The following STIM1 variants were observed in gnomAD, a reference collection of about 807,000 sequenced individuals.
STIM1 encodes the protein stromal interaction molecule 1.
A neutral mutation model predicts 74.7 loss-of-function variants in STIM1; 25 were observed. The ratio of observed to expected loss-of-function variants is 0.33; its 90% CI spans 0.24 to 0.47. The LOEUF is 0.47. Ranked by LOEUF, STIM1 falls within the 20% of genes least tolerant of loss-of-function variation. The pLI is 1.00. For missense variants in STIM1, 728 were observed against 920.8 expected, an observed-to-expected ratio of 0.79 and a Z score of 2.71; for synonymous variants, 328 against 348.8, an observed-to-expected ratio of 0.94 and a Z score of 0.66.
chr11:4,057,592 C>T (rs967577604), intron 4 of STIM1, among the ~76,000 whole-genome samples: 4 of 152,126 alleles, frequency 2.6e-5, no homozygotes, highest in Non-Finnish European at 4.4e-5. Flanking sequence ...CGCACTAGGC[C>T]GGGTGCAGTG....
intron 2 of STIM1, among the ~76,000 whole-genome samples, chr11:4,002,785 T>C (rs1483144379): frequency 6.7e-6 from 1 of 148,656 alleles, no homozygotes; most frequent in Non-Finnish European, 1.5e-5. Flanking sequence ...TTCAAAAAAT[T>C]AATGAATCCA....
intron 1 of STIM1, among the ~76,000 whole-genome samples, chr11:3,875,397 C>T (rs2091275199): frequency 6.6e-6 from 1 of 152,124 alleles, no homozygotes; most frequent in African/African-American, 2.4e-5. Context: ...TCGTGTTTAA[C>T]ATAAAAAGTT....
intron 1 of STIM1, among the ~76,000 whole-genome samples, chr11:3,939,009 A>C (rs1364202835): frequency 6.6e-6 from 1 of 152,242 alleles, no homozygotes; most frequent in African/African-American, 2.4e-5. Flanking sequence ...AGCTTCAGCA[A>C]GGTACTGTTC....
At chr11:3,981,372 G>A (rs186087246) in intron 2 of STIM1, among the ~76,000 whole-genome samples, 8 of 152,310 alleles carry the variant, frequency 5.3e-5, no homozygotes, top group African/African-American at 1.9e-4. Context: ...ACCAGATTTT[G>A]AGTTCCTTTA....
At chr11:3,891,956 A>G (rs755117763) in intron 1 of STIM1, among the ~76,000 whole-genome samples, 9 of 152,248 alleles carry the variant, frequency 5.9e-5, no homozygotes, top group Non-Finnish European at 1.0e-4. Flanking sequence ...GTTTACAAAA[A>G]CAAGGTGTTT....
intron 12 of STIM1, chr11:4,088,710 C>T: frequency 6.5e-7 from 1 of 1,535,858 alleles, no homozygotes; most frequent in South Asian, 1.2e-5. Context: ...AGAGGATCAT[C>T]TCTAAAGGCA....
intron 2 of STIM1, among the ~76,000 whole-genome samples, chr11:3,984,113 G>T (rs1298963198): frequency 6.6e-6 from 1 of 152,070 alleles, no homozygotes; most frequent in African/African-American, 2.4e-5. Context: ...TGATCCGCCC[G>T]CCTTGGCCTC....
At chr11:4,063,384 G>A (rs1260379303) in intron 5 of STIM1, among the ~76,000 whole-genome samples, 4 of 152,068 alleles carry the variant, frequency 2.6e-5, no homozygotes, top group Non-Finnish European at 5.9e-5. Flanking sequence ...AAGGTTTGTG[G>A]CAATCCTGTG....
At chr11:4,050,854 T>G (rs188435682) in intron 3 of STIM1, among the ~76,000 whole-genome samples, 54 of 152,328 alleles carry the variant, frequency 3.5e-4, no homozygotes, top group African/African-American at 1.3e-3. Context: ...TACAATAAAG[T>G]AAGAGAAGAG....
At chr11:3,941,630 T>TAGAG (rs57282761) in intron 1 of STIM1, among the ~76,000 whole-genome samples, 46,962 of 142,306 alleles carry the variant, frequency 0.33, 8,072 homozygotes, top group East Asian at 0.44. Context: ...TATATATATA[T>TAGAG]AGAGAGATAG....
In STIM1 at chr11:4,071,861, C is replaced by T. The variant is rs191517720; in HGVS notation, c.791+1658C>T. Among the ~76,000 whole-genome samples, 153 of 152,310 alleles carry T rather than the reference C, an allele frequency of 1.0e-3. 2 individuals carry two copies. Among genetic ancestry groups the T allele is most frequent in the African/African-American group, 3.5e-3 (146 of 41,562 alleles). On this transcript the variant is annotated intron_variant, in intron 6 of 12. Transcript: ENST00000526596. ...AAGTAGTGAACTAGGAATTTTGACA[C>T]TCCAGGGTGCTGCCTCTACTGAGGT...
chr11:3,911,131 T>G (rs183782182), intron 1 of STIM1, among the ~76,000 whole-genome samples: 324 of 152,338 alleles, frequency 2.1e-3, no homozygotes, highest in Non-Finnish European at 3.9e-3. Flanking sequence ...AGGATAGGAC[T>G]AGGCATAGCA....
chr11:4,045,318 A>C (rs1160664862), intron 3 of STIM1, among the ~76,000 whole-genome samples: 1 of 152,136 alleles, frequency 6.6e-6, no homozygotes, highest in Admixed American at 6.5e-5. Context: ...TGTCTGCCTT[A>C]TATCTGTGTG....
chr11:4,069,955 A>ATGCAGTGGAGTCTGCAAGGCTAAGTG, intron 5 of STIM1, 71 bp from the exon 6 acceptor site: 1 of 1,530,500 alleles, frequency 6.5e-7, no homozygotes, highest in Non-Finnish European at 9.0e-7. Flanking sequence ...TAGAGGAGGG[A>ATGCAGTGGAGTCTGCAAGGCTAAGTG]TGCAGTGGAG....
intron 1 of STIM1, among the ~76,000 whole-genome samples, chr11:3,904,378 G>A (rs1487815516): frequency 2.0e-5 from 3 of 151,976 alleles, no homozygotes; most frequent in Non-Finnish European, 4.4e-5. Context: ...AGTGAATGAC[G>A]AGTTGTTCCC....
At position 4,082,114 on chromosome 11, in the gene STIM1, G is replaced by A. The variant is rs1336568331; in HGVS notation, c.970-70G>A. 4.0e-6 allele frequency: 6 copies of A among 1,504,628 alleles called. No homozygotes were observed. The East Asian group carries it at 1.4e-4, about 34-fold the overall frequency. The allele number at this position is 1,504,628 out of a possible 1,614,324, so 93.2% of individuals were successfully genotyped here. ...AAAGCAGATAAGAAGTCTGAGTTCTGAAGCATCATACAGAGATGTTGGAGA... is the reference window on the plus strand; with the variant it reads ...AAAGCAGATAAGAAGTCTGAGTTCTAAAGCATCATACAGAGATGTTGGAGA... On this transcript the variant is annotated intron_variant, in intron 7 of 12. Transcript: ENST00000526596.
At chr11:3,892,578 C>CCAAAAACTGGGA in intron 1 of STIM1, 1 of 1,601,632 alleles carries the variant, frequency 6.2e-7, no homozygotes, top group Non-Finnish European at 8.6e-7. Context: ...GTGTTGGGTC[C>CCAAAAACTGGGA]AGCATTTGCC....
intron 3 of STIM1, among the ~76,000 whole-genome samples, chr11:4,053,824 G>T (rs902568789): frequency 2.6e-5 from 4 of 152,132 alleles, no homozygotes; most frequent in African/African-American, 9.7e-5. Flanking sequence ...GCCCAGGCTG[G>T]TCTTGAATTC....
At chr11:3,976,369 A>C (rs1206977654) in intron 2 of STIM1, among the ~76,000 whole-genome samples, 2 of 152,198 alleles carry the variant, frequency 1.3e-5, no homozygotes, top group East Asian at 3.9e-4. Context: ...AGTGGTTATC[A>C]GGGGTTATTA....
Sources: allele counts gnomAD v4.1 joint callset (sites outside exome capture counted in the v4.1 genomes callset), GRCh38; gene constraint gnomAD v4.1.1; transcripts MANE v1.5; gene names NCBI Gene and HGNC (gene_info 2026-07-23, HGNC 2026-07-21).